Variants in MAGI2 observed in about 807,000 individuals in gnomAD.
The protein encoded by MAGI2 is membrane associated guanylate kinase, WW and PDZ domain containing 2.
Under a neutral mutation model 133.3 loss-of-function variants are expected in MAGI2, and 35 were observed. The ratio of observed to expected loss-of-function variants is 0.26; its 90% CI spans 0.20 to 0.35. MAGI2 has a LOEUF of 0.35. Among genes scored for constraint, MAGI2 ranks in the 10% least tolerant of loss-of-function variants. The probability of loss-of-function intolerance (pLI) is 1.00; values close to 1 mark genes in which losing one functional copy is unlikely to be tolerated. For synonymous variants in MAGI2, 729 were observed against 710.6 expected, an observed-to-expected ratio of 1.03 and a Z score of -0.41; for missense variants, 1,636 against 1,863.4, an observed-to-expected ratio of 0.88 and a Z score of 2.25.
At chr7:78,400,048 T>C (rs1796716353) in intron 6 of MAGI2, among the ~76,000 whole-genome samples, 1 of 152,204 alleles carries the variant, frequency 6.6e-6, no homozygotes, top group Non-Finnish European at 1.5e-5. Flanking sequence ...CTACATTTTG[T>C]TCATAAATAC....
intron 2 of MAGI2, among the ~76,000 whole-genome samples, chr7:78,877,147 A>T (rs2151534962): frequency 6.6e-6 from 1 of 152,342 alleles, no homozygotes; most frequent in South Asian, 2.1e-4. Context: ...ACCTTAGAAT[A>T]CACACTTTTC....
At chr7:78,954,183 T>C (rs1036011595) in intron 2 of MAGI2, among the ~76,000 whole-genome samples, 4 of 152,108 alleles carry the variant, frequency 2.6e-5, no homozygotes, top group African/African-American at 9.7e-5. Flanking sequence ...TCCTCAAGCT[T>C]ACAGACACTG....
chr7:78,873,912 A>G (rs1285824099), intron 2 of MAGI2, among the ~76,000 whole-genome samples: 1 of 152,132 alleles, frequency 6.6e-6, no homozygotes, highest in Non-Finnish European at 1.5e-5. Flanking sequence ...TGATGTAGAA[A>G]AGAAAAAAAA....
In MAGI2 at chr7:78,276,074, A is replaced by C. The variant is rs1211827264; in HGVS notation, c.1409-19493T>G. Among the ~76,000 whole-genome samples, 4 of 152,166 alleles carry C rather than the reference A, an allele frequency of 2.6e-5. No homozygotes were observed. The East Asian group carries it at 7.7e-4, about 29-fold the overall frequency. ...AAACTCATATTTCATCTCCCTAATT[A>C]CTGGTCTAGGGAAGCAAGAGATCTA... On this transcript the variant is annotated intron_variant, in intron 9 of 21. Transcript: ENST00000354212.
At chr7:78,029,190 C>A (rs1584881007) in intron 21 of MAGI2, among the ~76,000 whole-genome samples, 1 of 152,252 alleles carries the variant, frequency 6.6e-6, no homozygotes, top group East Asian at 1.9e-4. Context: ...GGGGAGGCAA[C>A]ATCTTGGTAT....
chr7:78,473,221 C>A (rs1204586725), intron 6 of MAGI2, among the ~76,000 whole-genome samples: 1 of 152,002 alleles, frequency 6.6e-6, no homozygotes, highest in African/African-American at 2.4e-5. Flanking sequence ...CCATCTGATC[C>A]CATTACTTAG....
chr7:78,286,415 C>T (rs980292226), intron 9 of MAGI2, among the ~76,000 whole-genome samples: 2 of 151,998 alleles, frequency 1.3e-5, no homozygotes, highest in Non-Finnish European at 2.9e-5. Context: ...CCCAGATAAA[C>T]AAGGAATATG....
chr7:78,220,906 T>C (rs1788759456), intron 10 of MAGI2, among the ~76,000 whole-genome samples: 1 of 152,218 alleles, frequency 6.6e-6, no homozygotes, highest in Non-Finnish European at 1.5e-5. Context: ...TTTGGTCATT[T>C]GTAGACATTT....
intron 3 of MAGI2, among the ~76,000 whole-genome samples, chr7:78,531,574 AGTAC>A (rs1797476232): frequency 6.6e-6 from 1 of 152,214 alleles, no homozygotes; most frequent in Admixed American, 6.5e-5. Flanking sequence ...GTCATGGCTC[AGTAC>A]GTAAGAAAAG....
chr7:78,152,412 A>T (rs941851067), intron 16 of MAGI2, among the ~76,000 whole-genome samples: 1 of 152,168 alleles, frequency 6.6e-6, no homozygotes, highest in Non-Finnish European at 1.5e-5. Flanking sequence ...TATCCTGCAG[A>T]TATTTGTATC....
At chr7:79,110,000 C>T (rs948568154) in intron 1 of MAGI2, among the ~76,000 whole-genome samples, 2 of 152,196 alleles carry the variant, frequency 1.3e-5, no homozygotes, top group Non-Finnish European at 2.9e-5. Context: ...CAGATCTGGC[C>T]CCAGTCTTGG....
chr7:78,353,671 T>C (rs1791755793), intron 7 of MAGI2, among the ~76,000 whole-genome samples: 1 of 152,128 alleles, frequency 6.6e-6, no homozygotes, highest in Non-Finnish European at 1.5e-5. Flanking sequence ...AAACAGACTG[T>C]AGAAGGATGA....
intron 2 of MAGI2, among the ~76,000 whole-genome samples, chr7:78,907,826 G>T (rs1798096771): frequency 1.3e-5 from 2 of 152,076 alleles, no homozygotes; most frequent in Admixed American, 1.3e-4. Context: ...GAGGTGTGGG[G>T]TCTTTCAAAA....
chr7:79,065,250 C>G (rs1220446208), intron 1 of MAGI2, among the ~76,000 whole-genome samples: 1 of 152,056 alleles, frequency 6.6e-6, no homozygotes, highest in Non-Finnish European at 1.5e-5. Flanking sequence ...AAAGTAGCCA[C>G]TAGTTGGTAT....
chr7:78,895,054 C>G (rs4727776), intron 2 of MAGI2, among the ~76,000 whole-genome samples: 39,338 of 151,986 alleles, frequency 0.26, 6,333 homozygotes, highest in East Asian at 0.49. Flanking sequence ...TATGAGGCCT[C>G]ATGAATGGAC....
intron 1 of MAGI2, among the ~76,000 whole-genome samples, chr7:79,041,657 A>G (rs1481284735): frequency 6.6e-6 from 1 of 152,168 alleles, no homozygotes; most frequent in Non-Finnish European, 1.5e-5. Flanking sequence ...GATATTTCAT[A>G]ACAAAAACAA....
In MAGI2 at chr7:78,121,000, CA is replaced by C. The variant is rs67572219; in HGVS notation, c.3567+4693del. Among the ~76,000 whole-genome samples the C allele has an allele frequency of 2.0e-4, 15 of 75,176 alleles. No individual in the cohort carries two copies. In the East Asian group the frequency reaches 2.8e-3, roughly 14 times the overall value. The allele number at this position is 75,176 out of a possible 152,430, so 49.3% of individuals were successfully genotyped here. ...TGGGCGACAGAGCGAGACTCCGTCT[CA>C]AAAAAAAAAAAAAAAAAAAATAATG... On this transcript the variant is annotated intron_variant, in intron 20 of 21. Coordinates refer to ENST00000354212, the MANE Select transcript of MAGI2 (RefSeq NM_012301.4).
chr7:78,300,820 T>C (rs1797756707), intron 9 of MAGI2, among the ~76,000 whole-genome samples: 1 of 152,208 alleles, frequency 6.6e-6, no homozygotes, highest in South Asian at 2.1e-4. Context: ...TTAAAACGTA[T>C]CTAAAAGTTC....
chr7:79,217,842 A>G (rs1830139072), intron 1 of MAGI2, among the ~76,000 whole-genome samples: 1 of 152,068 alleles, frequency 6.6e-6, no homozygotes, highest in South Asian at 2.1e-4. Flanking sequence ...GTACATAATA[A>G]GCAGTCAATA....
Sources: gnomAD v4.1 joint callset for allele counts (sites outside exome capture counted in the v4.1 genomes callset) on GRCh38, gnomAD v4.1.1 for gene constraint, MANE v1.5 for transcripts, NCBI Gene and HGNC (gene_info 2026-07-23, HGNC 2026-07-21) for gene names.